Variants in GRIN3A observed in about 807,000 individuals in gnomAD.
GRIN3A encodes glutamate ionotropic receptor NMDA type subunit 3A.
In GRIN3A, 47 loss-of-function variants were observed where a neutral mutation model predicts 92.4. That is an observed-to-expected ratio of 0.51 (90% confidence interval 0.40 to 0.65). GRIN3A has a LOEUF of 0.65. Among genes scored for constraint, GRIN3A ranks in the 30% least tolerant of loss-of-function variants. GRIN3A has a pLI of 0.00. For synonymous variants in GRIN3A, 527 were observed against 540.6 expected, an observed-to-expected ratio of 0.97 and a Z score of 0.35; for missense variants, 1,324 against 1,393.1, an observed-to-expected ratio of 0.95 and a Z score of 0.79.
chr9:101,648,569 A>G (rs915593048), intron 3 of GRIN3A, among the ~76,000 whole-genome samples: 3 of 152,076 alleles, frequency 2.0e-5, no homozygotes, highest in Admixed American at 2.0e-4. Flanking sequence ...TGAAGTCTCT[A>G]CTATTAAAGT....
At chr9:101,609,467 A>G (rs1351688746) in intron 6 of GRIN3A, among the ~76,000 whole-genome samples, 1 of 152,238 alleles carries the variant, frequency 6.6e-6, no homozygotes, top group Non-Finnish European at 1.5e-5. Context: ...AGAGCAGTTA[A>G]GTAATTCAGC....
At chr9:101,680,538 A>G (rs1829454685) in intron 2 of GRIN3A, among the ~76,000 whole-genome samples, 1 of 152,226 alleles carries the variant, frequency 6.6e-6, no homozygotes, top group Non-Finnish European at 1.5e-5. Context: ...TTCAGGGTCA[A>G]CTGAGGAGGG....
Position 101,737,850 on chromosome 9 carries a change from T to A in GRIN3A, c.130A>T (p.Ile44Phe). 6.5e-7 allele frequency: 1 copy of A among 1,533,394 alleles called. No individual in the cohort carries two copies. 95.0% of individuals were successfully genotyped at this position (1,533,394 alleles called of 1,614,324 possible). A position where few individuals can be genotyped will look rare whatever the true frequency, so the allele number is the denominator to read the frequency against. ...HPQPCQILKR[I>F]GHAVRVGAVH... ...GCGCCCACCCTCACCGCGTGCCCGA[T>A]GCGCTTGAGGATCTGGCAGGGCTGC... Residue 44 changes from isoleucine to phenylalanine, a missense_variant, in exon 1 of 9, where the codon ATC becomes TTC. Ile to Phe is a conservative substitution (Grantham distance 21, BLOSUM62 0). Transcript: ENST00000361820.
intron 1 of GRIN3A, among the ~76,000 whole-genome samples, chr9:101,731,792 G>A (rs548370910): frequency 6.6e-6 from 1 of 152,334 alleles, no homozygotes; most frequent in African/African-American, 2.4e-5. Context: ...AATGGAGAGA[G>A]TTGGCTTACT....
intron 1 of GRIN3A, among the ~76,000 whole-genome samples, chr9:101,703,566 C>T (rs1165490980): frequency 6.6e-6 from 1 of 152,218 alleles, no homozygotes; most frequent in African/African-American, 2.4e-5. Context: ...TTCCTCACTA[C>T]TAAACTGTAA....
chr9:101,584,226 C>G (rs1827922734), intron 6 of GRIN3A, among the ~76,000 whole-genome samples: 1 of 152,116 alleles, frequency 6.6e-6, no homozygotes, highest in African/African-American at 2.4e-5. Flanking sequence ...TTACTCTAGC[C>G]CACCCCATCT....
At chr9:101,630,765 AG>A (rs1828700435) in intron 3 of GRIN3A, among the ~76,000 whole-genome samples, 1 of 152,372 alleles carries the variant, frequency 6.6e-6, no homozygotes, top group South Asian at 2.1e-4. Context: ...GGATAGTTAA[AG>A]TAACACCAAC....
At chr9:101,675,663 A>G (rs1829386243) in intron 2 of GRIN3A, among the ~76,000 whole-genome samples, 1 of 139,970 alleles carries the variant, frequency 7.1e-6, no homozygotes, top group Non-Finnish European at 1.6e-5. Flanking sequence ...TTGACATAGG[A>G]GGGGTTTTTT....
intron 1 of GRIN3A, among the ~76,000 whole-genome samples, chr9:101,705,800 A>G (rs1829810312): frequency 6.6e-6 from 1 of 152,232 alleles, no homozygotes; most frequent in African/African-American, 2.4e-5. Context: ...TGTGCCAGAC[A>G]CTGTCCTAAG....
chr9:101,653,136 A>G (rs1385598715), intron 3 of GRIN3A, among the ~76,000 whole-genome samples: 1 of 151,970 alleles, frequency 6.6e-6, no homozygotes, highest in Non-Finnish European at 1.5e-5. Flanking sequence ...ATGAATGGTT[A>G]TTAAAACTTC....
intron 1 of GRIN3A, among the ~76,000 whole-genome samples, chr9:101,712,321 C>T (rs757846759): frequency 8.5e-5 from 13 of 152,172 alleles, no homozygotes; most frequent in Admixed American, 3.3e-4. Flanking sequence ...CTAAATTTCT[C>T]TCTTAATGAC....
chr9:101,644,191 A>AAATTGT (rs1828902934), intron 3 of GRIN3A, among the ~76,000 whole-genome samples: 1 of 151,992 alleles, frequency 6.6e-6, no homozygotes, highest in Admixed American at 6.6e-5. Flanking sequence ...TTGTTTACTT[A>AAATTGT]TTAAACTCCA....
intron 6 of GRIN3A, among the ~76,000 whole-genome samples, chr9:101,608,000 T>C (rs1425560145): frequency 1.3e-5 from 2 of 152,188 alleles, no homozygotes; most frequent in African/African-American, 4.8e-5. Context: ...ATCCTGAAAT[T>C]CTGTCTTAGG....
intron 5 of GRIN3A, among the ~76,000 whole-genome samples, chr9:101,617,568 T>A (rs549801368): frequency 8.5e-5 from 13 of 152,324 alleles, no homozygotes; most frequent in African/African-American, 2.6e-4. Context: ...CCCTTTAAAA[T>A]TTCTGTTTAA....
chr9:101,591,631 T>C (rs554834906), intron 6 of GRIN3A: 1 of 152,344 alleles, frequency 6.6e-6, no homozygotes, highest in East Asian at 1.9e-4. Flanking sequence ...AATAAATGTT[T>C]ATTATCATCA....
chr9:101,711,243 A>G (rs1829873097), intron 1 of GRIN3A, among the ~76,000 whole-genome samples: 1 of 152,166 alleles, frequency 6.6e-6, no homozygotes, highest in African/African-American at 2.4e-5. Context: ...CCATGATGAC[A>G]TCTATGGTTG....
At position 101,686,695 on chromosome 9, in the gene GRIN3A, G is replaced by GTA; in HGVS notation, c.1204_1205insTA (p.Thr402IlefsTer5). The GTA allele has an allele frequency of 1.2e-6, 2 of 1,614,192 alleles. No homozygotes were observed. The highest frequency in any genetic ancestry group is 4.5e-5 in the East Asian group (2 of 44,880). On this transcript the variant is annotated frameshift_variant, in exon 2 of 9. Coordinates refer to ENST00000361820, the MANE Select transcript of GRIN3A (RefSeq NM_133445.3). LOFTEE classifies it high-confidence loss of function. Reference sequence around the variant, plus strand: ...AAGTTCTGGTTGGATCATGGTGGCTGTGGCTACAGCTCTTGCGACCAGCTC... The same window carrying GTA: ...AAGTTCTGGTTGGATCATGGTGGCTGTATGGCTACAGCTCTTGCGACCAGCTC...
intron 1 of GRIN3A, among the ~76,000 whole-genome samples, chr9:101,699,307 C>T (rs1829725283): frequency 1.3e-5 from 2 of 152,094 alleles, no homozygotes; most frequent in Non-Finnish European, 2.9e-5. Context: ...GCTGTCATTG[C>T]CCATGATAAA....
At chr9:101,581,880 C>T (rs1206688135) in intron 6 of GRIN3A, among the ~76,000 whole-genome samples, 1 of 152,154 alleles carries the variant, frequency 6.6e-6, no homozygotes, top group Admixed American at 6.5e-5. Context: ...GTGTAAGGCA[C>T]AATTCTGAGC....
Sources: allele counts gnomAD v4.1 joint callset (sites outside exome capture counted in the v4.1 genomes callset), GRCh38; gene constraint gnomAD v4.1.1; transcripts MANE v1.5; gene names NCBI Gene and HGNC (gene_info 2026-07-23, HGNC 2026-07-21).